The following STARD8 variants were observed in gnomAD, a reference collection of about 807,000 sequenced individuals.
The protein encoded by STARD8 is stAR-related lipid transfer protein 8.
In STARD8, 25 loss-of-function variants were observed where a neutral mutation model predicts 69.4. The observed-to-expected ratio is 0.36, with a 90% CI of 0.26 to 0.50. The LOEUF is 0.50. Among genes scored for constraint, STARD8 ranks in the 20% least tolerant of loss-of-function variants. The pLI, the probability that STARD8 is intolerant of heterozygous loss-of-function variation, is 0.96. For synonymous variants in STARD8, 389 were observed against 374.6 expected, an observed-to-expected ratio of 1.04 and a Z score of -0.45; for missense variants, 921 against 932.5, an observed-to-expected ratio of 0.99 and a Z score of 0.16.
At chrX:68,652,094 G>GC (rs1347447864) in intron 1 of STARD8, among the ~76,000 whole-genome samples, 1 of 108,116 alleles carries the variant, frequency 9.2e-6, no homozygotes, top group Non-Finnish European at 1.9e-5. Context: ...CTAACCCTAA[G>GC]TGATCAGCCC....
Position 68,721,393 on chromosome X carries a change from G to C in STARD8, c.2249-143G>C, listed in dbSNP as rs113910704. On this transcript the variant is annotated intron_variant, in intron 9 of 14. Coordinates refer to ENST00000374599, the MANE Select transcript of STARD8 (RefSeq NM_001142503.3). ...AATAAAGCTAGATCAAGCACCCAGA[G>C]ACCTCACAGAACTGACATTTTCCCT... 2,092 of 623,252 alleles carry C rather than the reference G, an allele frequency of 3.4e-3. 12 individuals carry two copies. Among genetic ancestry groups the C allele is most frequent in the Middle Eastern group, 0.019 (36 of 1,924 alleles). 51.4% of individuals were successfully genotyped at this position (623,252 alleles called of 1,213,427 possible).
intron 2 of STARD8, among the ~76,000 whole-genome samples, chrX:68,704,772 C>T (rs992091419): frequency 9.0e-6 from 1 of 111,024 alleles, no homozygotes; most frequent in African/African-American, 3.3e-5. Flanking sequence ...AGGAAGGAAG[C>T]TCCCCGCACT....
chrX:68,693,251 A>G (rs2079890076), intron 2 of STARD8, among the ~76,000 whole-genome samples: 1 of 112,908 alleles, frequency 8.9e-6, no homozygotes, highest in Non-Finnish European at 1.9e-5. Flanking sequence ...TTCCCCTACC[A>G]ATTGGAGATT....
chrX:68,668,715 C>G (rs945397266), intron 2 of STARD8, among the ~76,000 whole-genome samples: 3 of 111,401 alleles, frequency 2.7e-5, no homozygotes, highest in African/African-American at 9.8e-5. Context: ...CCTGCTATCA[C>G]AGTCCAAGAA....
chrX:68,680,760 C>T (rs994934666), intron 2 of STARD8, among the ~76,000 whole-genome samples: 2 of 110,621 alleles, frequency 1.8e-5, no homozygotes, highest in Admixed American at 9.7e-5. Flanking sequence ...TGTAGGTGGG[C>T]ACTGTGACTA....
chrX:68,677,685 C>T (rs899957508), intron 2 of STARD8, among the ~76,000 whole-genome samples: 7 of 111,474 alleles, frequency 6.3e-5, no homozygotes, highest in African/African-American at 2.0e-4. Context: ...TGCTCCTCCA[C>T]CAAGTGGGCA....
At chrX:68,716,341 T>C in intron 4 of STARD8, 27 bp from the exon 5 acceptor site, 1 of 1,204,464 alleles carries the variant, frequency 8.3e-7, no homozygotes, top group African/African-American at 1.7e-5. Flanking sequence ...TGGGGACCCT[T>C]GGTTGGACAC....
intron 2 of STARD8, among the ~76,000 whole-genome samples, chrX:68,676,033 G>C (rs776277645): frequency 8.9e-6 from 1 of 112,079 alleles, no homozygotes; most frequent in African/African-American, 3.2e-5. Flanking sequence ...GCTCCTACAC[G>C]CTGTATTTAA....
chrX:68,717,532 C>A lies in STARD8; in HGVS notation c.618C>A (p.Asn206Lys), dbSNP rs372623796. 1 of 1,209,459 alleles carries A rather than the reference C, an allele frequency of 8.3e-7. No individual in the cohort carries two copies. The highest frequency in any genetic ancestry group is 1.7e-5 in the African/African-American group (1 of 57,201). The change falls in exon 6 of 15, where the codon AAC (asparagine) becomes AAA (lysine). Residue 206 changes from asparagine (N) to lysine (K), a missense_variant. By Grantham distance (94) the Asn-to-Lys change is moderately conservative. Transcript: ENST00000374599. ...PQDKAKKRHRNRSFLKHLESL... is the reference protein window; with the variant it reads ...PQDKAKKRHRKRSFLKHLESL... The stretch of plus-strand genomic sequence containing the variant: ...ACAAAGCCAAGAAGCGCCATCGTAA[C>A]CGTAGCTTCCTCAAGCACCTTGAAT...
At chrX:68,653,459 ACACACC>A (rs2079587651) in intron 1 of STARD8, among the ~76,000 whole-genome samples, 1 of 44,495 alleles carries the variant, frequency 2.2e-5, no homozygotes, top group African/African-American at 8.9e-5. Flanking sequence ...CACCACACAC[ACACACC>A]CCACACCCCA....
At position 68,721,583 on chromosome X, in the gene STARD8, C is replaced by A. The variant is rs1466645967; in HGVS notation, c.2296C>A (p.Leu766Met). 2.5e-6 allele frequency: 3 copies of A among 1,210,609 alleles called. No homozygotes were observed. Among genetic ancestry groups the A allele is most frequent in the Non-Finnish European group, 2.2e-6 (2 of 895,414 alleles). ...WLAAAQAATL[L>M]LPDENREVLQ... Reference sequence around the variant, plus strand: ...GGCAGCAGCACAAGCCGCCACCTTGCTGCTCCCCGATGAGAACCGAGAGGT... The same window carrying A: ...GGCAGCAGCACAAGCCGCCACCTTGATGCTCCCCGATGAGAACCGAGAGGT... The change falls in exon 10 of 15, where the codon CTG becomes ATG. Residue 766 changes from leucine to methionine, a missense_variant. Leu to Met is a conservative substitution (Grantham distance 15). Coordinates refer to ENST00000374599, the MANE Select transcript of STARD8 (RefSeq NM_001142503.3).
At chrX:68,723,410 T>C (rs1374958987) in intron 12 of STARD8, among the ~76,000 whole-genome samples, 1 of 112,857 alleles carries the variant, frequency 8.9e-6, no homozygotes, top group African/African-American at 3.2e-5. Flanking sequence ...CATCTCTTTA[T>C]GCTGTCTAAC....
At chrX:68,671,763 G>A (rs776681018) in intron 2 of STARD8, among the ~76,000 whole-genome samples, 12 of 111,777 alleles carry the variant, frequency 1.1e-4, no homozygotes, top group Non-Finnish European at 2.1e-4. Flanking sequence ...TTTGGAGGTC[G>A]CCCACATCTC....
chrX:68,723,734 G>A lies in STARD8; in HGVS notation c.2908G>A (p.Asp970Asn). 8.4e-7 allele frequency: 1 copy of A among 1,187,533 alleles called. No homozygotes were observed. Among genetic ancestry groups the A allele is most frequent in the Non-Finnish European group, 1.1e-6 (1 of 882,986 alleles). ...VLRERALWDE[D>N]LLRAQVLEAL... ...CCGGGAGCGGGCCCTCTGGGATGAG[G>A]ATCTGCTGCGGGCCCAGGTGCTGGA... The change falls in exon 13 of 15, where the codon GAT becomes AAT. Residue 970 changes from aspartate (D) to asparagine (N), a missense_variant. Asp to Asn is a conservative substitution (Grantham distance 23). Coordinates refer to ENST00000374599, the MANE Select transcript of STARD8 (RefSeq NM_001142503.3).
intron 1 of STARD8, among the ~76,000 whole-genome samples, chrX:68,659,987 C>A (rs2079634158): frequency 1.8e-5 from 2 of 110,704 alleles, no homozygotes; most frequent in Admixed American, 1.9e-4. Flanking sequence ...GTTGGGGGCC[C>A]TTTTCGGGGG....
intron 10 of STARD8, 89 bp from the exon 11 acceptor site, chrX:68,721,958 G>T (rs1163928810): frequency 4.3e-6 from 4 of 933,486 alleles, no homozygotes; most frequent in Middle Eastern, 3.2e-4. Flanking sequence ...TGGCAAAGTG[G>T]CTTCCTGGCA....
At chrX:68,690,352 T>C (rs1443070471) in intron 2 of STARD8, among the ~76,000 whole-genome samples, 1 of 109,608 alleles carries the variant, frequency 9.1e-6, no homozygotes, top group East Asian at 2.9e-4. Context: ...TGGTTCCTTT[T>C]GGATATTAAC....
intron 2 of STARD8, among the ~76,000 whole-genome samples, chrX:68,687,763 G>T (rs2079844027): frequency 8.9e-6 from 1 of 111,989 alleles, no homozygotes; most frequent in Admixed American, 9.4e-5. Context: ...TGGGGGCCAG[G>T]ATCATTTCCT....
intron 3 of STARD8, among the ~76,000 whole-genome samples, chrX:68,714,812 C>A (rs1355721839): frequency 8.9e-6 from 1 of 111,962 alleles, no homozygotes; most frequent in South Asian, 3.7e-4. Context: ...CAACTCCTTT[C>A]TTTCCCCTCT....
Sources: gnomAD v4.1 joint callset for allele counts (sites outside exome capture counted in the v4.1 genomes callset) on GRCh38, gnomAD v4.1.1 for gene constraint, MANE v1.5 for transcripts, NCBI Gene and HGNC (gene_info 2026-07-23, HGNC 2026-07-21) for gene names.